RHEX: variants seen among roughly 807,000 people sequenced by gnomAD.
RHEX encodes regulator of hemoglobinization and erythroid cell expansion protein.
In RHEX, 18 loss-of-function variants were observed where a neutral mutation model predicts 20.1. The ratio of observed to expected loss-of-function variants is 0.90; its 90% CI spans 0.62 to 1.33. RHEX has a LOEUF of 1.33. Among genes scored for constraint, RHEX ranks in the 40% most tolerant of loss-of-function variants. The pLI is 0.00. For synonymous variants in RHEX, 87 were observed against 77.1 expected (o/e 1.13, Z -0.67); for missense variants, 192 against 214.3 (o/e 0.90, Z 0.65).
At chr1:206,062,562 C>T (rs1291346111) in intron 1 of RHEX, among the ~76,000 whole-genome samples, 2 of 152,198 alleles carry the variant, frequency 1.3e-5, no homozygotes, top group Admixed American at 6.5e-5. Flanking sequence ...TCTGTGATCA[C>T]GTGCATGGCT....
At chr1:206,095,747 T>C (rs1558179614) in intron 1 of RHEX, among the ~76,000 whole-genome samples, 1 of 151,504 alleles carries the variant, frequency 6.6e-6, no homozygotes, top group Non-Finnish European at 1.5e-5. Context: ...ACCTGGGAGG[T>C]GGAGGTCGCA....
At chr1:206,059,101 T>C (rs1194258647) in intron 1 of RHEX, among the ~76,000 whole-genome samples, 1 of 152,118 alleles carries the variant, frequency 6.6e-6, no homozygotes, top group Non-Finnish European at 1.5e-5. Flanking sequence ...GAGACCCAAG[T>C]TCCCTTCTCA....
intron 1 of RHEX, among the ~76,000 whole-genome samples, chr1:206,071,859 C>CAAAAAAAAAA (rs1245558004): frequency 2.1e-5 from 1 of 47,270 alleles, no homozygotes; most frequent in Non-Finnish European, 4.7e-5. Flanking sequence ...TCCAACAACT[C>CAAAAAAAAAA]AAAAAAAAAA....
chr1:206,101,441 C>G (rs2102332029), intron 5 of RHEX, among the ~76,000 whole-genome samples: 1 of 152,298 alleles, frequency 6.6e-6, no homozygotes, highest in African/African-American at 2.4e-5. Context: ...ATGGGAAACC[C>G]TCTTCTCCCC....
Position 206,092,587 on chromosome 1 carries a change from T to A in RHEX, c.-96-5146T>A, listed in dbSNP as rs74144317. Among the ~76,000 whole-genome samples the A allele has an allele frequency of 3.0e-3, 463 of 152,342 alleles. 2 individuals carry two copies. The highest frequency in any genetic ancestry group is 0.01 in the African/African-American group (435 of 41,566). On this transcript the variant is annotated intron_variant, in intron 1 of 5. Coordinates refer to ENST00000331555, the MANE Select transcript of RHEX (RefSeq NM_001007544.4). ...TCTAAGCTTTCCGTGCCATATGGAATCAATTTTGTTAATTTATACTTTTCT... is the reference window on the plus strand; with the variant it reads ...TCTAAGCTTTCCGTGCCATATGGAAACAATTTTGTTAATTTATACTTTTCT...
At chr1:206,084,906 G>A (rs564122500) in intron 1 of RHEX, among the ~76,000 whole-genome samples, 2 of 152,274 alleles carry the variant, frequency 1.3e-5, no homozygotes, top group East Asian at 1.9e-4. Flanking sequence ...AAGGAGGCAG[G>A]AATGGTACTG....
chr1:206,059,289 G>A (rs1329669752), intron 1 of RHEX, among the ~76,000 whole-genome samples: 1 of 152,188 alleles, frequency 6.6e-6, no homozygotes, highest in Non-Finnish European at 1.5e-5. Flanking sequence ...ACTTGGTGAG[G>A]TCAGCTCTCT....
In RHEX at chr1:206,083,699, A is replaced by G. The variant is rs1001087237; in HGVS notation, c.-96-14034A>G. 9.7e-6 allele frequency: 9 copies of G among 932,344 alleles called. No homozygotes were observed. In the African/African-American group the frequency reaches 1.6e-4, roughly 17 times the overall value. 57.8% of individuals were successfully genotyped at this position (932,344 alleles called of 1,614,324 possible). On this transcript the variant is annotated intron_variant, in intron 1 of 5. Coordinates refer to ENST00000331555, the MANE Select transcript of RHEX (RefSeq NM_001007544.4). Reference sequence around the variant, plus strand: ...GATTTTAAATTAGTTTGAAGTGTGCATTTGTTTGCGAGCATATATGTGTAG... The same window carrying G: ...GATTTTAAATTAGTTTGAAGTGTGCGTTTGTTTGCGAGCATATATGTGTAG...
Position 206,096,777 on chromosome 1 carries a change from T to TTG in RHEX, c.-96-955_-96-954insGT, listed in dbSNP as rs1553287727. Among the ~76,000 whole-genome samples, 10 of 137,796 alleles carry TTG rather than the reference T, an allele frequency of 7.3e-5. 1 individual carries two copies. In the South Asian group the frequency reaches 1.3e-3, roughly 19 times the overall value. 90.4% of individuals were successfully genotyped at this position (137,796 alleles called of 152,430 possible). A position where few individuals can be genotyped will look rare whatever the true frequency, so the allele number is the denominator to read the frequency against. ...GCACAAGTCCCCTGTTTTTTTTTTT[T>TTG]TTGGTTTTTTTTTTTGAGACAGGGT... On this transcript the variant is annotated intron_variant, in intron 1 of 5. Coordinates refer to ENST00000331555, the MANE Select transcript of RHEX (RefSeq NM_001007544.4).
At position 206,097,747 on chromosome 1, in the gene RHEX, G is replaced by C; in HGVS notation, c.-82G>C. On this transcript the variant is annotated 5_prime_UTR_variant, in exon 2 of 6. Coordinates refer to ENST00000331555, the MANE Select transcript of RHEX (RefSeq NM_001007544.4). ...ACCTCTTGCAGATCTCCAGCACCCT[G>C]CCGGTGGCACTACTGAGAGACGAGG... is the stretch of plus-strand genomic sequence containing the variant. 1 of 1,613,466 alleles carries C rather than the reference G, an allele frequency of 6.2e-7. No individual in the cohort carries two copies. The highest frequency in any genetic ancestry group is 8.5e-7 in the Non-Finnish European group (1 of 1,179,446).
chr1:206,068,349 A>T (rs1662467591), intron 1 of RHEX, among the ~76,000 whole-genome samples: 1 of 152,062 alleles, frequency 6.6e-6, no homozygotes, highest in South Asian at 2.1e-4. Flanking sequence ...GAAAGTTTTG[A>T]GGGGGAAAAG....
intron 1 of RHEX, among the ~76,000 whole-genome samples, chr1:206,059,799 C>A (rs1440422204): frequency 6.6e-6 from 1 of 152,096 alleles, no homozygotes; most frequent in Non-Finnish European, 1.5e-5. Context: ...GTGTCTCCAT[C>A]CCTCGAGGCA....
intron 1 of RHEX, among the ~76,000 whole-genome samples, chr1:206,096,765 G>GTTT (rs60225298): frequency 8.9e-5 from 11 of 123,226 alleles, no homozygotes; most frequent in South Asian, 5.1e-4. Flanking sequence ...CAAGTCCCCT[G>GTTT]TTTTTTTTTT....
Position 206,067,196 on chromosome 1 carries a change from A to C in RHEX, c.-97+13931A>C, listed in dbSNP as rs1662437660. Among the ~76,000 whole-genome samples, 1 of 152,166 alleles carries C rather than the reference A, an allele frequency of 6.6e-6. No homozygotes were observed. The highest frequency in any genetic ancestry group is 6.5e-5 in the Admixed American group (1 of 15,284). Reference sequence around the variant, plus strand: ...CCTCCTATCTCATCAAAGCCAGGGAAACTTAAAGTTTTTCTGGGTGATCTG... The same window carrying C: ...CCTCCTATCTCATCAAAGCCAGGGACACTTAAAGTTTTTCTGGGTGATCTG... On this transcript the variant is annotated intron_variant, in intron 1 of 5. Coordinates refer to ENST00000331555, the MANE Select transcript of RHEX (RefSeq NM_001007544.4). The surrounding 1 kb of genome is among the most constrained non-coding windows in gnomAD (Gnocchi z 4.6).
chr1:206,059,080 T>C (rs1662256522), intron 1 of RHEX, among the ~76,000 whole-genome samples: 1 of 152,118 alleles, frequency 6.6e-6, no homozygotes, highest in Non-Finnish European at 1.5e-5. Context: ...CCCACCAGCC[T>C]GCCCCAGCTG....
intron 1 of RHEX, among the ~76,000 whole-genome samples, chr1:206,082,289 G>A (rs1172415593): frequency 9.2e-5 from 14 of 151,972 alleles, no homozygotes; most frequent in African/African-American, 1.9e-4. Context: ...AGGCTGAGGC[G>A]GGTGAAGCAC....
chr1:206,075,466 C>T (rs28814626), intron 1 of RHEX, among the ~76,000 whole-genome samples: 19,726 of 151,998 alleles, frequency 0.13, 1,409 homozygotes, highest in South Asian at 0.2. Flanking sequence ...AACAGGCTGG[C>T]GGCAGAAATT....
chr1:206,099,766 G>C lies in RHEX; in HGVS notation c.224G>C (p.Arg75Thr). The change falls in exon 4 of 6, where the codon AGA becomes ACA. Residue 75 changes from arginine (R) to threonine (T), a missense_variant. By Grantham distance (71) the Arg-to-Thr change is moderately conservative. Coordinates refer to ENST00000331555, the MANE Select transcript of RHEX (RefSeq NM_001007544.4). The part of the protein sequence containing the change: ...VKEMKETQTE[R>T]DIPMSDSLYR... The stretch of plus-strand genomic sequence containing the variant: ...GAGATGAAGGAGACTCAGACAGAGA[G>C]AGACATCCCAATGTCTGATTCCCTT... 1 of 1,614,104 alleles carries C rather than the reference G, an allele frequency of 6.2e-7. No homozygotes were observed. Among genetic ancestry groups the C allele is most frequent in the East Asian group, 2.2e-5 (1 of 44,876 alleles).
At chr1:206,082,299 C>T (rs1381778992) in intron 1 of RHEX, among the ~76,000 whole-genome samples, 27 of 151,942 alleles carry the variant, frequency 1.8e-4, no homozygotes, top group Admixed American at 1.7e-3. Context: ...GGGTGAAGCA[C>T]GATGTCAGGA....
Sources: allele counts gnomAD v4.1 joint callset (sites outside exome capture counted in the v4.1 genomes callset), GRCh38; gene constraint gnomAD v4.1.1; non-coding constraint Gnocchi (gnomAD v3.1); transcripts MANE v1.5; gene names NCBI Gene and HGNC (gene_info 2026-07-23, HGNC 2026-07-21).